The following GCNT2 variants were observed in gnomAD, a reference collection of about 807,000 sequenced individuals.
GCNT2 encodes glucosaminyl (N-acetyl) transferase 2 (I blood group), also known as N-acetyllactosaminide beta-1,6-N-acetylglucosaminyl-transferase.
In GCNT2, 34 loss-of-function variants were observed where a neutral mutation model predicts 34.2. The observed-to-expected ratio is 1.00, with a 90% confidence interval of 0.76 to 1.32. The LOEUF (loss-of-function observed/expected upper bound fraction) is 1.32. Ranked by LOEUF, GCNT2 falls within the 40% of genes most tolerant of loss-of-function variation. The pLI is 0.00. For missense variants in GCNT2, 584 were observed against 489.4 expected (o/e 1.19, Z -1.82); for synonymous variants, 212 against 188.0 (o/e 1.13, Z -1.04).
chr6:10,559,072 C>CTTT (rs55637072), intron 3 of GCNT2, among the ~76,000 whole-genome samples: 1 of 122,502 alleles, frequency 8.2e-6, no homozygotes, highest in Non-Finnish European at 1.8e-5. Context: ...TAAATTGTTG[C>CTTT]TTTTTTTTTT....
intron 3 of GCNT2, among the ~76,000 whole-genome samples, chr6:10,605,180 C>G (rs569690423): frequency 6.7e-6 from 1 of 149,748 alleles, no homozygotes; most frequent in Non-Finnish European, 1.5e-5. Context: ...TGTTCTCAAC[C>G]TTAACCACAT....
chr6:10,562,656 GAAAA>G (rs57868433), intron 3 of GCNT2, among the ~76,000 whole-genome samples: 112 of 77,498 alleles, frequency 1.4e-3, no homozygotes, highest in Middle Eastern at 0.01. Context: ...GAACTTCTCT[GAAAA>G]AAAAAAAAAA....
intron 3 of GCNT2, among the ~76,000 whole-genome samples, chr6:10,574,591 T>G (rs1260467880): frequency 6.6e-6 from 1 of 152,148 alleles, no homozygotes; most frequent in Non-Finnish European, 1.5e-5. Context: ...AAATTTAGGA[T>G]GGGGGGAGCA....
intron 3 of GCNT2, among the ~76,000 whole-genome samples, chr6:10,590,138 C>G (rs1185613353): frequency 1.3e-5 from 2 of 152,144 alleles, no homozygotes; most frequent in African/African-American, 4.8e-5. Flanking sequence ...TGGCTCCCAC[C>G]CATAATTCCA....
Position 10,529,470 on chromosome 6 carries a change from G to A in GCNT2, c.559G>A (p.Val187Ile). Residue 187 changes from valine to isoleucine, a missense_variant, in exon 3 of 5, where the codon GTC becomes ATC. Val to Ile is a conservative substitution (Grantham distance 29). Coordinates refer to ENST00000495262, the MANE Select transcript of GCNT2 (RefSeq NM_145649.5). ...LVASEVPWKYVINTCGQDFPL... is the reference protein window; with the variant it reads ...LVASEVPWKYIINTCGQDFPL... ...GGCCTCTGAAGTTCCCTGGAAGTAT[G>A]TCATCAACACCTGCGGGCAAGACTT... The A allele has an allele frequency of 1.2e-6, 2 of 1,614,114 alleles. No individual in the cohort carries two copies. Among genetic ancestry groups the A allele is most frequent in the Non-Finnish European group, 1.7e-6 (2 of 1,180,008 alleles).
At chr6:10,542,212 C>T (rs1192706357) in intron 3 of GCNT2, among the ~76,000 whole-genome samples, 1 of 150,638 alleles carries the variant, frequency 6.6e-6, no homozygotes, top group Non-Finnish European at 1.5e-5. Flanking sequence ...GACAGAGTTA[C>T]AGCTGTTTCC....
At chr6:10,532,550 C>T (rs943691101) in intron 3 of GCNT2, among the ~76,000 whole-genome samples, 2 of 152,176 alleles carry the variant, frequency 1.3e-5, no homozygotes, top group Non-Finnish European at 2.9e-5. Context: ...GTGAGCCACA[C>T]AGCACCCAGC....
intron 3 of GCNT2, among the ~76,000 whole-genome samples, chr6:10,592,332 G>A (rs932005400): frequency 5.9e-5 from 9 of 152,286 alleles, no homozygotes; most frequent in Non-Finnish European, 1.2e-4. Flanking sequence ...AAAATATTGC[G>A]TTAGTGATGT....
chr6:10,565,511 T>TC (rs1369800772), intron 3 of GCNT2, among the ~76,000 whole-genome samples: 1 of 152,196 alleles, frequency 6.6e-6, no homozygotes, highest in East Asian at 1.9e-4. Context: ...GCAGATTAGC[T>TC]CCCCGCAACC....
intron 4 of GCNT2, among the ~76,000 whole-genome samples, chr6:10,624,742 TC>T (rs1023434404): frequency 3.9e-5 from 6 of 152,294 alleles, no homozygotes; most frequent in African/African-American, 1.4e-4. Flanking sequence ...CTTTCATTGT[TC>T]CCTCCTGTTT....
chr6:10,566,164 G>A (rs1034657871), intron 3 of GCNT2, among the ~76,000 whole-genome samples: 16 of 150,106 alleles, frequency 1.1e-4, no homozygotes, highest in African/African-American at 3.2e-4. Flanking sequence ...TCCCTATCCT[G>A]CATCTGATTG....
rs568693003 is a variant in GCNT2 at position 10,524,421 on chromosome 6, T to C, written c.-469+3004T>C. 1.4e-4 allele frequency among the ~76,000 whole-genome samples: 21 copies of C among 152,150 alleles called. 2 individuals are homozygous for C. In the South Asian group the frequency reaches 4.4e-3, roughly 32 times the overall value. ...GCATGCGCCACCACGCCCGGCTAATTTTGTATTTTCAGTAGAGACAGGGTT... is the reference window on the plus strand; with the variant it reads ...GCATGCGCCACCACGCCCGGCTAATCTTGTATTTTCAGTAGAGACAGGGTT... On this transcript the variant is annotated intron_variant, in intron 1 of 4. Coordinates refer to ENST00000495262, the MANE Select transcript of GCNT2 (RefSeq NM_145649.5).
At chr6:10,568,836 ATC>A (rs1375934541) in intron 3 of GCNT2, among the ~76,000 whole-genome samples, 1 of 152,012 alleles carries the variant, frequency 6.6e-6, no homozygotes, top group East Asian at 1.9e-4. Context: ...ATTGCCTTCC[ATC>A]TCTCCATTTA....
At chr6:10,612,824 T>C (rs1581483008) in intron 3 of GCNT2, among the ~76,000 whole-genome samples, 2 of 152,226 alleles carry the variant, frequency 1.3e-5, no homozygotes, top group East Asian at 3.9e-4. Context: ...AATGTCATAA[T>C]GAACATCTTC....
chr6:10,620,741 A>G (rs1191378739), intron 3 of GCNT2, among the ~76,000 whole-genome samples: 1 of 152,134 alleles, frequency 6.6e-6, no homozygotes, highest in Non-Finnish European at 1.5e-5. Flanking sequence ...GATTAAATAG[A>G]CCCTTCAATC....
chr6:10,529,846 T>A lies in GCNT2; in HGVS notation c.925+10T>A, dbSNP rs1238684396. On this transcript the variant is annotated intron_variant, in intron 3 of 4. Transcript: ENST00000495262. The stretch of plus-strand genomic sequence containing the variant: ...CTCAACAGGATTCCCGGTATGTACG[T>A]CTCTTAACTTTTATTTTTACGAATA... 1 of 1,602,178 alleles carries A rather than the reference T, an allele frequency of 6.2e-7. No individual in the cohort carries two copies. Among genetic ancestry groups the A allele is most frequent in the Non-Finnish European group, 8.5e-7 (1 of 1,169,738 alleles).
At chr6:10,525,769 C>G (rs2113485192) in intron 1 of GCNT2, among the ~76,000 whole-genome samples, 1 of 152,304 alleles carries the variant, frequency 6.6e-6, no homozygotes, top group Non-Finnish European at 1.5e-5. Context: ...ATGAACTTTG[C>G]TTGTACTTGC....
At chr6:10,588,738 A>C (rs1182682927) in intron 3 of GCNT2, among the ~76,000 whole-genome samples, 1 of 147,064 alleles carries the variant, frequency 6.8e-6, no homozygotes, top group Non-Finnish European at 1.5e-5. Context: ...GTGGTGTCCC[A>C]ATATGCTTGT....
At chr6:10,610,272 T>C (rs1048818874) in intron 3 of GCNT2, among the ~76,000 whole-genome samples, 2 of 152,210 alleles carry the variant, frequency 1.3e-5, no homozygotes, top group African/African-American at 4.8e-5. Context: ...TGCATTAGGT[T>C]AATCGTGAAG....
Sources: allele counts gnomAD v4.1 joint callset (sites outside exome capture counted in the v4.1 genomes callset), GRCh38; gene constraint gnomAD v4.1.1; transcripts MANE v1.5; gene names NCBI Gene and HGNC (gene_info 2026-07-23, HGNC 2026-07-21).